Variants in SYS1 observed in about 807,000 individuals in gnomAD.
SYS1 encodes the protein protein SYS1 homolog.
A neutral mutation model predicts 17.8 loss-of-function variants in SYS1; 8 were observed. The observed-to-expected ratio is 0.45, with a 90% CI of 0.26 to 0.81. The LOEUF (loss-of-function observed/expected upper bound fraction) is 0.81, where lower values mean the gene tolerates loss of function less well. Among genes scored for constraint, SYS1 ranks in the 40% least tolerant of loss-of-function variants. The pLI is 0.16. For missense variants in SYS1, 161 were observed against 203.9 expected (o/e 0.79, Z 1.28); for synonymous variants, 95 against 90.9 (o/e 1.05, Z -0.26).
rs1347912192 is a variant in SYS1, at chr20:45,367,962, A to G, written c.*847A>G. 4.1e-6 allele frequency: 4 copies of G among 985,336 alleles called. No homozygotes were observed. The Admixed American group carries it at 2.5e-4, about 61-fold the overall frequency. The allele number at this position is 985,336 out of a possible 1,614,324, so 61.0% of individuals were successfully genotyped here. A position where few individuals can be genotyped will look rare whatever the true frequency, so the allele number is the denominator to read the frequency against. Reference sequence around the variant, plus strand: ...GGCGGGAAGGGTATGATGGGTTCCCAGAGACAAGAAGCCCAACCTTCTGGC... The same window carrying G: ...GGCGGGAAGGGTATGATGGGTTCCCGGAGACAAGAAGCCCAACCTTCTGGC... On this transcript the variant is annotated 3_prime_UTR_variant, in exon 4 of 4. Coordinates refer to ENST00000243918, the MANE Select transcript of SYS1 (RefSeq NM_033542.4).
downstream of SYS1, chr20:45,373,868 G>C (rs2145364699): frequency 6.4e-7 from 1 of 1,572,580 alleles, no homozygotes; most frequent in Non-Finnish European, 8.8e-7. Flanking sequence ...CAAACAGGCA[G>C]AGTAAGCAGT....
chr20:45,373,997 C>T (rs1988638495), downstream of SYS1: 1 of 1,614,054 alleles, frequency 6.2e-7, no homozygotes, highest in Non-Finnish European at 8.5e-7. Context: ...TGGCTCTCGT[C>T]CAGGTCACAT....
exon 4 of SYS1, chr20:45,375,427 T>C: frequency 6.2e-7 from 1 of 1,614,182 alleles, no homozygotes; most frequent in Non-Finnish European, 8.5e-7. Flanking sequence ...CTTCCACTCC[T>C]TGTACTCTTT....
rs116958205 is a variant in SYS1 at position 45,368,302 on chromosome 20, C to T, written c.*1187C>T. ...ATCCTGTCTCCTTCACTTGCAGCGTCCCCTGCTATGCCTCAGGTGAACCAC... is the reference window on the plus strand; with the variant it reads ...ATCCTGTCTCCTTCACTTGCAGCGTTCCCTGCTATGCCTCAGGTGAACCAC... On this transcript the variant is annotated 3_prime_UTR_variant, in exon 4 of 4. Transcript: ENST00000243918. 3.0e-4 allele frequency: 296 copies of T among 985,446 alleles called. 3 individuals carry two copies. In the East Asian group the frequency reaches 0.017, roughly 57 times the overall value. 61.0% of individuals were successfully genotyped at this position (985,446 alleles called of 1,614,324 possible).
At chr20:45,375,287 C>T in exon 4 of SYS1, 1 of 1,614,134 alleles carries the variant, frequency 6.2e-7, no homozygotes, top group Non-Finnish European at 8.5e-7. Context: ...GGTTGCCTCC[C>T]CTGGACTCCA....
chr20:45,366,878 C>A lies in SYS1; in HGVS notation c.234C>A (p.Ala78=). 1.2e-6 allele frequency: 2 copies of A among 1,614,096 alleles called. No individual in the cohort carries two copies. The highest frequency in any genetic ancestry group is 1.7e-6 in the Non-Finnish European group (2 of 1,179,966). ...CACTGCTGTCCTCTCCCCACAGTGC[C>A]CTGGGCTTGCTGTACTTCATCCGGC... ...MSFILNALTC[A]LGLLYFIRRG... The change falls in exon 4 of 4, where the codon GCC becomes GCA. Residue 78 remains alanine, a synonymous_variant. Coordinates refer to ENST00000243918, the MANE Select transcript of SYS1 (RefSeq NM_033542.4).
rs1464471706 is a variant in SYS1, at chr20:45,368,971, G to T, written c.*1856G>T. 1 of 822,002 alleles carries T rather than the reference G, an allele frequency of 1.2e-6. No homozygotes were observed. Among genetic ancestry groups the T allele is most frequent in the Non-Finnish European group, 1.5e-6 (1 of 680,342 alleles). 50.9% of individuals were successfully genotyped at this position (822,002 alleles called of 1,614,324 possible). On this transcript the variant is annotated 3_prime_UTR_variant, in exon 4 of 4. Transcript: ENST00000243918. ...CTGTGATGACAAATCTCTGTCCCCT[G>T]AGTGTTAATTTGATTTTTAGAAATG...
downstream of SYS1, chr20:45,372,557 T>G (rs1988587232): frequency 6.6e-6 from 1 of 152,078 alleles, no homozygotes; most frequent in Non-Finnish European, 1.5e-5. Context: ...CACGCAAAGG[T>G]TGATGGAATG....
chr20:45,365,866 T>C (rs1165220711), intron 3 of SYS1, 180 bp downstream of exon 3: 2 of 655,676 alleles, frequency 3.1e-6, no homozygotes, highest in African/African-American at 1.8e-5. Flanking sequence ...TGTTTTGACT[T>C]ACCTGGAAAG....
chr20:45,375,417 C>G, exon 4 of SYS1: 3 of 1,614,190 alleles, frequency 1.9e-6, no homozygotes, highest in Non-Finnish European at 2.5e-6. Flanking sequence ...GCACCTGGGA[C>G]TTCCACTCCT....
At chr20:45,375,398 T>TC in exon 4 of SYS1, 1 of 1,614,174 alleles carries the variant, frequency 6.2e-7, no homozygotes. Context: ...TTGTTCCTCA[T>TC]CCCTGACTGC....
Position 45,363,685 on chromosome 20 carries a change from G to C in SYS1, c.154G>C (p.Asp52His), listed in dbSNP as rs1190783236. The C allele has an allele frequency of 3.2e-6, 5 of 1,565,912 alleles. No homozygotes were observed. Among genetic ancestry groups the C allele is most frequent in the Non-Finnish European group, 4.3e-6 (5 of 1,157,544 alleles). Residue 52 changes from aspartate (D) to histidine (H), a missense_variant, in exon 2 of 4, where the codon GAC (aspartate) becomes CAC (histidine). Coordinates refer to ENST00000243918, the MANE Select transcript of SYS1 (RefSeq NM_033542.4). ...RSSPSLDQMF[D>H]AEILGFSTPP... The stretch of plus-strand genomic sequence containing the variant: ...CAGCCCCTCGCTGGACCAGATGTTC[G>C]ACGCCGAGGTAGGGTCCCCGGACTG...
At chr20:45,371,230 C>T (rs944027189), downstream of SYS1, among the ~76,000 whole-genome samples, 1 of 152,242 alleles carries the variant, frequency 6.6e-6, no homozygotes, top group Middle Eastern at 3.4e-3. Context: ...GTGTTCCCTC[C>T]CTGGTTTTAT....
Position 45,363,651 on chromosome 20 carries a change from A to G in SYS1, c.120A>G (p.Leu40=), listed in dbSNP as rs752790508. 2 of 1,576,218 alleles carry G rather than the reference A, an allele frequency of 1.3e-6. No individual in the cohort carries two copies. Among genetic ancestry groups the G allele is most frequent in the Admixed American group, 3.7e-5 (2 of 54,322 alleles). ...TGTGGCTGGCGCTGGTGGACGGGCT[A>G]GTGCGAAGCAGCCCCTCGCTGGACC... ...LGLWLALVDG[L]VRSSPSLDQM... Residue 40 remains leucine (L), a synonymous_variant, in exon 2 of 4, where the codon CTA becomes CTG. Coordinates refer to ENST00000243918, the MANE Select transcript of SYS1 (RefSeq NM_033542.4).
downstream of SYS1, among the ~76,000 whole-genome samples, chr20:45,369,838 C>T (rs1446453217): frequency 3.3e-5 from 5 of 151,850 alleles, no homozygotes; most frequent in South Asian, 4.2e-4. Context: ...AGGCTGGTCT[C>T]GAACTCCTGG....
chr20:45,367,286 G>A lies in SYS1; in HGVS notation c.*171G>A, dbSNP rs1988448864. On this transcript the variant is annotated 3_prime_UTR_variant, in exon 4 of 4. Transcript: ENST00000243918. ...TGTCAAAGAAGGCAGGTAGCAGTCA[G>A]CATGACAGCTGCAAGAATGACCTCT... The A allele has an allele frequency of 2.1e-6, 3 of 1,436,788 alleles. No individual in the cohort carries two copies. In the African/African-American group the frequency reaches 4.3e-5, roughly 21 times the overall value. The allele number at this position is 1,436,788 out of a possible 1,614,324, so 89.0% of individuals were successfully genotyped here.
downstream of SYS1, chr20:45,374,146 T>C: frequency 2.5e-6 from 2 of 789,036 alleles, no homozygotes; most frequent in Non-Finnish European, 4.3e-6. Context: ...AGGAAAAGCC[T>C]CCCTTTAAGC....
chr20:45,371,458 A>T (rs73907924), downstream of SYS1, among the ~76,000 whole-genome samples: 16 of 152,310 alleles, frequency 1.1e-4, no homozygotes, highest in East Asian at 2.9e-3. Flanking sequence ...CCTATCTGGC[A>T]TGTACTGCAA....
downstream of SYS1, chr20:45,373,291 C>T (rs1988612835): frequency 6.4e-6 from 1 of 156,626 alleles, no homozygotes; most frequent in African/African-American, 2.4e-5. Flanking sequence ...TACCAGCTCC[C>T]CCTCCTGATC....
Sources: allele counts gnomAD v4.1 joint callset (sites outside exome capture counted in the v4.1 genomes callset), GRCh38; gene constraint gnomAD v4.1.1; transcripts MANE v1.5; gene names NCBI Gene and HGNC (gene_info 2026-07-23, HGNC 2026-07-21).